ESCO1: variants seen among roughly 807,000 people sequenced by gnomAD.
The protein encoded by ESCO1 is establishment of sister chromatid cohesion N-acetyltransferase 1.
In ESCO1, 33 loss-of-function variants were observed where a neutral mutation model predicts 83.5. The observed-to-expected ratio is 0.40, with a 90% confidence interval of 0.30 to 0.53. The LOEUF (loss-of-function observed/expected upper bound fraction) is 0.53. Ranked by LOEUF, ESCO1 falls within the 20% of genes least tolerant of loss-of-function variation. ESCO1 has a pLI of 0.63. For missense variants in ESCO1, 855 were observed against 968.0 expected (o/e 0.88, Z 1.55); for synonymous variants, 332 against 324.3 (o/e 1.02, Z -0.25).
At chr18:21,587,955 G>A (rs1409920299) in intron 1 of ESCO1, among the ~76,000 whole-genome samples, 1 of 151,930 alleles carries the variant, frequency 6.6e-6, no homozygotes, top group Admixed American at 6.6e-5. Context: ...TGGGTCTGGT[G>A]ACACATGCCG....
intron 8 of ESCO1, among the ~76,000 whole-genome samples, chr18:21,551,243 G>T (rs755136261): frequency 5.9e-5 from 9 of 152,146 alleles, no homozygotes; most frequent in Non-Finnish European, 1.0e-4. Context: ...GGCCGAGGCG[G>T]ACAGATCACG....
rs779866334 is a variant in ESCO1 at position 21,574,053 on chromosome 18, T to G, written c.791A>C (p.Lys264Thr). The change falls in exon 4 of 12, where the codon AAG (lysine) becomes ACG (threonine). Residue 264 changes from lysine (K) to threonine (T), a missense_variant. Transcript: ENST00000269214. Reference sequence around the variant, plus strand: ...AGTATTCACTTGTGTATGAACCGACTTCTTCATCTCATTCTTTTTCGGGAC... The same window carrying G: ...AGTATTCACTTGTGTATGAACCGACGTCTTCATCTCATTCTTTTTCGGGAC... ...SVVPKKNEMK[K>T]SVHTQVNTNT... is the part of the protein sequence containing the mutation. The G allele has an allele frequency of 6.2e-7, 1 of 1,612,886 alleles. No homozygotes were observed. The highest frequency in any genetic ancestry group is 1.1e-5 in the South Asian group (1 of 91,082).
At chr18:21,586,575 A>C (rs2038585285) in intron 1 of ESCO1, among the ~76,000 whole-genome samples, 1 of 152,146 alleles carries the variant, frequency 6.6e-6, no homozygotes, top group Admixed American at 6.6e-5. Flanking sequence ...CACAAAACTA[A>C]TTTTTGTACA....
At chr18:21,575,582 T>C in intron 3 of ESCO1, 90 bp downstream of exon 3, 1 of 398,270 alleles carries the variant, frequency 2.5e-6, no homozygotes, top group Non-Finnish European at 4.4e-6. Flanking sequence ...GAACGAAGTA[T>C]CCCAAGTATA....
In ESCO1 at chr18:21,545,083, G is replaced by A. The variant is rs192577827; in HGVS notation, c.1954-5074C>T. On this transcript the variant is annotated intron_variant, in intron 8 of 11. Transcript: ENST00000269214. ...TGAAAATACACCATTATTAAGCTGT[G>A]TACTCGCTGTGTACTTTCTTTTTCT... 1.2e-4 allele frequency among the ~76,000 whole-genome samples: 19 copies of A among 152,236 alleles called. No homozygotes were observed. The East Asian group carries it at 3.3e-3, about 26-fold the overall frequency.
chr18:21,542,884 A>C lies in ESCO1; in HGVS notation c.1954-2875T>G, dbSNP rs377297091. On this transcript the variant is annotated intron_variant, in intron 8 of 11. Coordinates refer to ENST00000269214, the MANE Select transcript of ESCO1 (RefSeq NM_052911.3). ...ATGCTTAAAATTAAGGCAGAGGAGA[A>C]GCAGGGTTCAGGAAAGAGTGCATGC... 5.8e-4 allele frequency among the ~76,000 whole-genome samples: 88 copies of C among 152,378 alleles called. 1 individual carries two copies. The highest frequency in any genetic ancestry group is 2.1e-3 in the African/African-American group (86 of 41,592).
chr18:21,561,086 TTG>T (rs2038179920), intron 7 of ESCO1, 96 bp from the exon 8 acceptor site: 1 of 1,188,506 alleles, frequency 8.4e-7, no homozygotes, highest in African/African-American at 1.6e-5. Context: ...AAAGTAAGAA[TTG>T]TTTAATCTAC....
chr18:21,544,887 C>G lies in ESCO1; in HGVS notation c.1954-4878G>C, dbSNP rs555982682. Among the ~76,000 whole-genome samples, 4 of 152,214 alleles carry G rather than the reference C, an allele frequency of 2.6e-5. No individual in the cohort carries two copies. The South Asian group carries it at 8.3e-4, about 32-fold the overall frequency. ...AGTATTTAGAAGTAAAAAATAAATG[C>G]AAAACTAATCTAGTCAGCGTTGCAG... On this transcript the variant is annotated intron_variant, in intron 8 of 11. Transcript: ENST00000269214.
Position 21,575,401 on chromosome 18 carries a change from T to C in ESCO1, c.-558A>G, listed in dbSNP as rs1598471854. ...TCCTTTGTTCAACAAAATATTCTAT[T>C]AATATAGATTTCCTTTTGTGCTGCC... On this transcript the variant is annotated 5_prime_UTR_variant, in exon 4 of 12. It removes the in-frame stop codon of an upstream open reading frame in the 5' UTR. Coordinates refer to ENST00000269214, the MANE Select transcript of ESCO1 (RefSeq NM_052911.3). 2 of 398,138 alleles carry C rather than the reference T, an allele frequency of 5.0e-6. No homozygotes were observed. Among genetic ancestry groups the C allele is most frequent in the East Asian group, 3.6e-5 (1 of 27,974 alleles). 24.7% of individuals were successfully genotyped at this position (398,138 alleles called of 1,614,324 possible). A position where few individuals can be genotyped will look rare whatever the true frequency, so the allele number is the denominator to read the frequency against.
intron 10 of ESCO1, among the ~76,000 whole-genome samples, chr18:21,535,380 A>AT (rs377455761): frequency 5.7e-4 from 61 of 106,268 alleles, no homozygotes; most frequent in South Asian, 2.0e-3. Context: ...GCGCCTGGCT[A>AT]TTTTTTTTTT....
chr18:21,530,891 G>C (rs189080105), intron 11 of ESCO1, among the ~76,000 whole-genome samples: 1 of 152,036 alleles, frequency 6.6e-6, no homozygotes, highest in African/African-American at 2.4e-5. Flanking sequence ...GGAGGTTCTC[G>C]TCATGAGGAA....
chr18:21,592,798 G>A (rs1227410471), intron 1 of ESCO1, among the ~76,000 whole-genome samples: 2 of 150,268 alleles, frequency 1.3e-5, no homozygotes, highest in Admixed American at 6.6e-5. Flanking sequence ...CTCAGACGGG[G>A]CGGCTGCCGG....
intron 10 of ESCO1, among the ~76,000 whole-genome samples, chr18:21,535,303 C>G (rs1047005320): frequency 1.3e-5 from 2 of 151,982 alleles, no homozygotes; most frequent in Admixed American, 6.6e-5. Context: ...CAACCTCTGC[C>G]TCCTGGGTTC....
intron 9 of ESCO1, among the ~76,000 whole-genome samples, chr18:21,538,885 T>G (rs1506410): frequency 0.021 from 3,202 of 152,200 alleles, 120 homozygotes; most frequent in African/African-American, 0.073. Flanking sequence ...GTATATTATT[T>G]GAAAGTGTAA....
chr18:21,532,210 T>C lies in ESCO1; in HGVS notation c.2375+263A>G, dbSNP rs959462305. On this transcript the variant is annotated intron_variant, in intron 11 of 11. Coordinates refer to ENST00000269214, the MANE Select transcript of ESCO1 (RefSeq NM_052911.3). ...GCACAACTTGAAATAGGCAGGTTAT[T>C]TTGGCCTAACATCATAGTTACAAAT... 4.6e-5 allele frequency among the ~76,000 whole-genome samples: 7 copies of C among 152,188 alleles called. No individual in the cohort carries two copies. The East Asian group carries it at 1.3e-3, about 29-fold the overall frequency.
chr18:21,543,862 T>C (rs1302466966), intron 8 of ESCO1, among the ~76,000 whole-genome samples: 4 of 152,230 alleles, frequency 2.6e-5, no homozygotes, highest in Admixed American at 1.3e-4. Flanking sequence ...ATAAGCAACA[T>C]AGGAAATCAT....
At chr18:21,597,665 T>A (rs943674204) in intron 1 of ESCO1, among the ~76,000 whole-genome samples, 1 of 151,966 alleles carries the variant, frequency 6.6e-6, no homozygotes, top group African/African-American at 2.4e-5. Flanking sequence ...TTTTTAAGAG[T>A]GTAAGGGGAT....
chr18:21,552,144 A>C, intron 8 of ESCO1, among the ~76,000 whole-genome samples: 1 of 152,228 alleles, frequency 6.6e-6, no homozygotes, highest in East Asian at 1.9e-4. Context: ...GTTTGTATTG[A>C]GAGGGAAAAG....
Position 21,564,194 on chromosome 18 carries a change from T to G in ESCO1, c.1821+9A>C. 1 of 1,528,702 alleles carries G rather than the reference T, an allele frequency of 6.5e-7. No homozygotes were observed. Among genetic ancestry groups the G allele is most frequent in the East Asian group, 2.3e-5 (1 of 44,080 alleles). The allele number at this position is 1,528,702 out of a possible 1,614,324, so 94.7% of individuals were successfully genotyped here. A position where few individuals can be genotyped will look rare whatever the true frequency, so the allele number is the denominator to read the frequency against. ...ACAATTCACCAAAATGGTCAAGTTG[T>G]GTACTTACTATAATCAACTGTTTTT... On this transcript the variant is annotated intron_variant, in intron 7 of 11. Transcript: ENST00000269214.
Sources: allele counts gnomAD v4.1 joint callset (sites outside exome capture counted in the v4.1 genomes callset), GRCh38; gene constraint gnomAD v4.1.1; transcripts MANE v1.5; gene names NCBI Gene and HGNC (gene_info 2026-07-23, HGNC 2026-07-21).